Variants in EIF5B observed in about 807,000 individuals in gnomAD.
The protein encoded by EIF5B is eIF-5B.
EIF5B carries 47 observed loss-of-function variants against 147.5 expected under a neutral mutation model. The observed-to-expected ratio is 0.32, with a 90% CI of 0.25 to 0.41. The LOEUF is 0.41. Ranked by LOEUF, EIF5B falls within the 10% of genes least tolerant of loss-of-function variation. The probability of loss-of-function intolerance (pLI) is 1.00; values close to 1 mark genes in which losing one functional copy is unlikely to be tolerated. For missense variants in EIF5B, 1,064 were observed against 1,413.2 expected, an observed-to-expected ratio of 0.75 and a Z score of 3.96; for synonymous variants, 455 against 456.2, an observed-to-expected ratio of 1.00 and a Z score of 0.03.
chr2:99,393,965 A>C lies in EIF5B; in HGVS notation c.2881-302A>C, dbSNP rs544729833. 5.9e-5 allele frequency among the ~76,000 whole-genome samples: 9 copies of C among 152,242 alleles called. No homozygotes were observed. The East Asian group carries it at 1.5e-3, about 26-fold the overall frequency. ...GTGGTACTTTTTTAACTTTAAAAAAATTTTTCTTCTCTACTGTTTAATTCT... is the reference window on the plus strand; with the variant it reads ...GTGGTACTTTTTTAACTTTAAAAAACTTTTTCTTCTCTACTGTTTAATTCT... On this transcript the variant is annotated intron_variant, in intron 18 of 23. Coordinates refer to ENST00000289371, the MANE Select transcript of EIF5B (RefSeq NM_015904.4).
chr2:99,389,824 C>G lies in EIF5B; in HGVS notation c.2378C>G (p.Ala793Gly), dbSNP rs1399728857. 2 of 1,611,932 alleles carry G rather than the reference C, an allele frequency of 1.2e-6. No individual in the cohort carries two copies. The highest frequency in any genetic ancestry group is 3.3e-5 in the Admixed American group (2 of 59,702). The change falls in exon 15 of 24, where the codon GCT becomes GGT. Residue 793 changes from alanine (A) to glycine (G), a missense_variant. Coordinates refer to ENST00000289371, the MANE Select transcript of EIF5B (RefSeq NM_015904.4). ...TKDEFEERAK[A>G]IIVEFAQQGL... ...GATGAATTTGAGGAGCGAGCAAAGG[C>G]TATTATTGTAGAATTTGCACAGCAG... is the stretch of plus-strand genomic sequence containing the variant.
intron 1 of EIF5B, among the ~76,000 whole-genome samples, chr2:99,351,036 G>T (rs930723127): frequency 1.3e-5 from 2 of 152,204 alleles, no homozygotes; most frequent in African/African-American, 4.8e-5. Context: ...TTATAAAAAT[G>T]GATAAAAGGG....
intron 3 of EIF5B, 75 bp from the exon 4 acceptor site, chr2:99,361,072 GT>G: frequency 9.8e-6 from 12 of 1,225,942 alleles, no homozygotes; most frequent in Non-Finnish European, 1.3e-5. Context: ...TTTAAAAAAT[GT>G]TTACTTAATG....
Position 99,369,397 on chromosome 2 carries a change from G to C in EIF5B, c.1393G>C (p.Glu465Gln), listed in dbSNP as rs763963671. 2 of 1,608,628 alleles carry C rather than the reference G, an allele frequency of 1.2e-6. No individual in the cohort carries two copies. Among genetic ancestry groups the C allele is most frequent in the East Asian group, 2.2e-5 (1 of 44,740 alleles). ...PQQLESKEVSESMELCAAVEV... is the reference protein window; with the variant it reads ...PQQLESKEVSQSMELCAAVEV... The stretch of plus-strand genomic sequence containing the variant: ...GGTTTCTGCCCCTTTTTCAGTGTCT[G>C]AATCAATGGAATTATGTGCTGCTGT... Residue 465 changes from glutamate (E) to glutamine (Q), a missense_variant, in exon 8 of 24, where the codon GAA becomes CAA. By Grantham distance (29) the Glu-to-Gln change is conservative. Transcript: ENST00000289371.
chr2:99,387,794 GTACATT>G (rs1345671578), intron 14 of EIF5B, among the ~76,000 whole-genome samples: 2 of 152,098 alleles, frequency 1.3e-5, no homozygotes, highest in Non-Finnish European at 2.9e-5. Flanking sequence ...TGGTATCTCT[GTACATT>G]TACTTAGTCC....
rs1326684174 is a variant in EIF5B at position 99,400,425 on chromosome 2, G to C, written c.*1011G>C. 1.3e-5 allele frequency: 2 copies of C among 152,210 alleles called. No homozygotes were observed. The highest frequency in any genetic ancestry group is 2.9e-5 in the Non-Finnish European group (2 of 68,032). 9.4% of individuals were successfully genotyped at this position (152,210 alleles called of 1,614,324 possible). A position where few individuals can be genotyped will look rare whatever the true frequency, so the allele number is the denominator to read the frequency against. On this transcript the variant is annotated 3_prime_UTR_variant, in exon 24 of 24. Coordinates refer to ENST00000289371, the MANE Select transcript of EIF5B (RefSeq NM_015904.4). ...TAGCTAGTTTTAGGGTTTTGCTGAAGTCAGTGTGGGGTGTTTGTTTGAGGA... is the reference window on the plus strand; with the variant it reads ...TAGCTAGTTTTAGGGTTTTGCTGAACTCAGTGTGGGGTGTTTGTTTGAGGA...
At chr2:99,346,576 A>G (rs1293523136) in intron 1 of EIF5B, among the ~76,000 whole-genome samples, 1 of 146,024 alleles carries the variant, frequency 6.8e-6, no homozygotes, top group Non-Finnish European at 1.5e-5. Context: ...ATTTTAGAAC[A>G]TAAGTTGTAT....
In EIF5B at chr2:99,337,469, G is replaced by C; in HGVS notation, c.-86G>C. On this transcript the variant is annotated 5_prime_UTR_variant, in exon 1 of 24. The change abolishes the stop of an existing upstream ORF in the 5' untranslated region. Coordinates refer to ENST00000289371, the MANE Select transcript of EIF5B (RefSeq NM_015904.4). Reference sequence around the variant, plus strand: ...GCGGCAGCACGAGGGGAAAAGAGCTGAGCGGAGACCAAAGTCAGCCGGGAG... The same window carrying C: ...GCGGCAGCACGAGGGGAAAAGAGCTCAGCGGAGACCAAAGTCAGCCGGGAG... 1 of 1,542,554 alleles carries C rather than the reference G, an allele frequency of 6.5e-7. No individual in the cohort carries two copies. Among genetic ancestry groups the C allele is most frequent in the Non-Finnish European group, 8.8e-7 (1 of 1,134,796 alleles).
At chr2:99,346,589 CTTTTTT>C (rs773411395) in intron 1 of EIF5B, among the ~76,000 whole-genome samples, 27 of 61,670 alleles carry the variant, frequency 4.4e-4, no homozygotes, top group East Asian at 1.9e-3. Flanking sequence ...AGTTGTATCT[CTTTTTT>C]TTTTTTTTTT....
At position 99,399,429 on chromosome 2, in the gene EIF5B, G is replaced by A. The variant is rs758441277; in HGVS notation, c.*15G>A. The A allele has an allele frequency of 1.2e-5, 20 of 1,608,766 alleles. No individual in the cohort carries two copies. Among genetic ancestry groups the A allele is most frequent in the Middle Eastern group, 1.6e-4 (1 of 6,070 alleles). ...AAATCATCTAATTTTTTCACATGGA[G>A]CAGGAACTGGAGTAAATGCAATACT... is the stretch of plus-strand genomic sequence containing the variant. On this transcript the variant is annotated 3_prime_UTR_variant, in exon 24 of 24. Coordinates refer to ENST00000289371, the MANE Select transcript of EIF5B (RefSeq NM_015904.4).
chr2:99,365,848 C>T (rs551534477), intron 6 of EIF5B, among the ~76,000 whole-genome samples: 14 of 152,146 alleles, frequency 9.2e-5, no homozygotes, highest in African/African-American at 2.9e-4. Flanking sequence ...GGTTCCCCCC[C>T]ACCCACAGCC....
chr2:99,393,735 C>A (rs1404436824), intron 18 of EIF5B, among the ~76,000 whole-genome samples: 1 of 152,214 alleles, frequency 6.6e-6, no homozygotes, highest in Non-Finnish European at 1.5e-5. Flanking sequence ...CCTGTCTCTT[C>A]ACCCAGTCCT....
chr2:99,396,625 T>A, intron 21 of EIF5B, 135 bp from the exon 22 acceptor site: 4 of 1,102,648 alleles, frequency 3.6e-6, no homozygotes, highest in Non-Finnish European at 5.1e-6. Context: ...TGCAGCACCC[T>A]GCCTGCCCCT....
chr2:99,382,678 T>TA lies in EIF5B; in HGVS notation c.2130-101dup, dbSNP rs1163872186. On this transcript the variant is annotated intron_variant, in intron 13 of 23. Transcript: ENST00000289371. Reference sequence around the variant, plus strand: ...AATAGTACTTGAACAATTTAATACATATACTCTATTTTGTTTGGGTTTTAC... The same window carrying TA: ...AATAGTACTTGAACAATTTAATACATAATACTCTATTTTGTTTGGGTTTTAC... The TA allele has an allele frequency of 5.8e-5, 68 of 1,168,278 alleles. No homozygotes were observed. The African/African-American group carries it at 9.2e-4, about 16-fold the overall frequency. The allele number at this position is 1,168,278 out of a possible 1,614,324, so 72.4% of individuals were successfully genotyped here.
At chr2:99,354,689 G>T (rs1461613098) in intron 1 of EIF5B, among the ~76,000 whole-genome samples, 1 of 151,952 alleles carries the variant, frequency 6.6e-6, no homozygotes, top group Non-Finnish European at 1.5e-5. Context: ...GATAAGGACT[G>T]AGGGTGAGGT....
Position 99,363,866 on chromosome 2 carries a change from T to C in EIF5B, c.1137+4T>C, listed in dbSNP as rs531826437. ...AGAAGCCAAGCGTAAAGAAGAGGTA[T>C]GTTTTCATGAAGTTGGTAACATTGA... On this transcript the variant is annotated splice_donor_region_variant and intron_variant, in intron 5 of 23. Coordinates refer to ENST00000289371, the MANE Select transcript of EIF5B (RefSeq NM_015904.4). 1 of 1,599,670 alleles carries C rather than the reference T, an allele frequency of 6.3e-7. No individual in the cohort carries two copies. Among genetic ancestry groups the C allele is most frequent in the Non-Finnish European group, 8.5e-7 (1 of 1,176,084 alleles).
chr2:99,339,303 G>C (rs1029945945), intron 1 of EIF5B, among the ~76,000 whole-genome samples: 1 of 151,528 alleles, frequency 6.6e-6, no homozygotes, highest in Non-Finnish European at 1.5e-5. Flanking sequence ...GTGATCCATC[G>C]CCCCTGGCCC....
Position 99,393,108 on chromosome 2 carries a change from T to C in EIF5B, c.2880+10T>C. 2.6e-6 allele frequency: 4 copies of C among 1,514,268 alleles called. No individual in the cohort carries two copies. Among genetic ancestry groups the C allele is most frequent in the Non-Finnish European group, 3.5e-6 (4 of 1,129,958 alleles). 93.8% of individuals were successfully genotyped at this position (1,514,268 alleles called of 1,614,324 possible). ...AATCCCTGTTCTTAAAGTAAGTTCA[T>C]TTAAAAATTTTTTTCCTTAAAAGCT... On this transcript the variant is annotated intron_variant, in intron 18 of 23. Transcript: ENST00000289371.
At chr2:99,371,518 G>T in intron 8 of EIF5B, 138 bp from the exon 9 acceptor site, 7 of 548,768 alleles carry the variant, frequency 1.3e-5, no homozygotes, top group Non-Finnish European at 2.1e-5. Context: ...TAGTTCTAAA[G>T]ATAATAGCTG....
Sources: gnomAD v4.1 joint callset for allele counts (sites outside exome capture counted in the v4.1 genomes callset) on GRCh38, gnomAD v4.1.1 for gene constraint, MANE v1.5 for transcripts, NCBI Gene and HGNC (gene_info 2026-07-23, HGNC 2026-07-21) for gene names.